SLC12A3: variants seen among roughly 807,000 people sequenced by gnomAD.
The protein encoded by SLC12A3 is Na-Cl cotransporter.
In SLC12A3, 104 loss-of-function variants were observed where a neutral mutation model predicts 121.0. That is an observed-to-expected ratio of 0.86 (90% CI 0.73 to 1.01). The LOEUF (loss-of-function observed/expected upper bound fraction) is 1.01. Among genes scored for constraint, SLC12A3 ranks in the 50% least tolerant of loss-of-function variants. SLC12A3 has a pLI of 0.00. For missense variants in SLC12A3, 1,328 were observed against 1,356.3 expected (o/e 0.98, Z 0.33); for synonymous variants, 536 against 533.4 (o/e 1.00, Z -0.07).
intron 25 of SLC12A3, among the ~76,000 whole-genome samples, chr16:56,912,907 A>G (rs1221225983): frequency 5.3e-5 from 8 of 152,056 alleles, no homozygotes; most frequent in African/African-American, 1.7e-4. Context: ...GGTGGGGAGA[A>G]CGTCAAGTGC....
rs1310840830 is a variant in SLC12A3 at position 56,886,999 on chromosome 16, GGCA to G, written c.2085_2087del (p.His696del). ...CCTGAGCTCCAGCTCATCGCCAACG[GGCA>G]CACCAAGTGGCTGAACAAGAGGAAG... is the stretch of plus-strand genomic sequence containing the variant. On this transcript the variant is annotated inframe_deletion, in exon 17 of 26. Transcript: ENST00000563236. The G allele has an allele frequency of 6.2e-7, 1 of 1,613,916 alleles. No homozygotes were observed. Among genetic ancestry groups the G allele is most frequent in the Admixed American group, 1.7e-5 (1 of 60,022 alleles).
At chr16:56,880,074 G>T in intron 11 of SLC12A3, 56 bp from the exon 12 acceptor site, 1 of 1,592,692 alleles carries the variant, frequency 6.3e-7, no homozygotes. Context: ...GTGGCCCCAG[G>T]GGAGGGGAAG....
intron 8 of SLC12A3, 89 bp from the exon 9 acceptor site, chr16:56,877,988 G>A: frequency 1.3e-6 from 1 of 772,094 alleles, no homozygotes; most frequent in Non-Finnish European, 2.1e-6. Flanking sequence ...GACAGGCCTG[G>A]AAGGAGGCCC....
intron 12 of SLC12A3, among the ~76,000 whole-genome samples, chr16:56,882,080 T>G (rs2055248170): frequency 1.3e-5 from 2 of 151,646 alleles, no homozygotes; most frequent in Admixed American, 6.6e-5. Flanking sequence ...TATTTCTTGC[T>G]GTCATTTGTG....
Position 56,902,394 on chromosome 16 carries a change from G to C in SLC12A3, c.2742G>C (p.Met914Ile). The change falls in exon 24 of 26, where the codon ATG becomes ATC. Residue 914 changes from methionine to isoleucine, a missense_variant. Coordinates refer to ENST00000563236, the MANE Select transcript of SLC12A3 (RefSeq NM_001126108.2). Reference protein sequence around the residue: ...RAEHTKRFEDMIAPFRLNDGF... With the variant: ...RAEHTKRFEDIIAPFRLNDGF... ...CCAGCACCAAGAGGTTTGAGGACATGATTGCACCCTTCCGTCTGAATGATG... is the reference window on the plus strand; with the variant it reads ...CCAGCACCAAGAGGTTTGAGGACATCATTGCACCCTTCCGTCTGAATGATG... The C allele has an allele frequency of 1.2e-6, 2 of 1,613,962 alleles. No homozygotes were observed. The highest frequency in any genetic ancestry group is 2.2e-5 in the South Asian group (2 of 91,066).
At chr16:56,902,531 G>GGGGGGGGGTGCC in intron 24 of SLC12A3, 23 bp downstream of exon 24, 5 of 714,558 alleles carry the variant, frequency 7.0e-6, no homozygotes, top group Non-Finnish European at 1.2e-5. Context: ...GTGGGGGTGG[G>GGGGGGGGGTGCC]AAACGCGACA....
chr16:56,883,969 G>A, intron 13 of SLC12A3, 80 bp from the exon 14 acceptor site: 1 of 1,522,178 alleles, frequency 6.6e-7, no homozygotes. Flanking sequence ...TGGCATTACT[G>A]CCAGGCCCTG....
At chr16:56,881,903 G>T (rs1441381421) in intron 12 of SLC12A3, among the ~76,000 whole-genome samples, 2 of 151,906 alleles carry the variant, frequency 1.3e-5, no homozygotes, top group Non-Finnish European at 2.9e-5. Flanking sequence ...ACAAAAATTA[G>T]CTGGGCGTGG....
chr16:56,865,360 C>G lies in SLC12A3; in HGVS notation c.125C>G (p.Pro42Arg), dbSNP rs777453931. 1 of 1,614,196 alleles carries G rather than the reference C, an allele frequency of 6.2e-7. No homozygotes were observed. The change falls in exon 1 of 26, where the codon CCC (proline) becomes CGC (arginine). Residue 42 changes from proline to arginine, a missense_variant. Coordinates refer to ENST00000563236, the MANE Select transcript of SLC12A3 (RefSeq NM_001126108.2). ...CCAGCTGCCTATGACAGCAGCCACC[C>G]CAGCCACCTGACCCACAGCAGCACC... Reference protein sequence around the residue: ...SPPAAYDSSHPSHLTHSSTFC... With the variant: ...SPPAAYDSSHRSHLTHSSTFC...
At chr16:56,892,205 G>T (rs2055397692) in intron 20 of SLC12A3, 72 bp downstream of exon 20, 1 of 1,426,668 alleles carries the variant, frequency 7.0e-7, no homozygotes, top group Non-Finnish European at 9.9e-7. Flanking sequence ...GCCCTGTGGG[G>T]TGGCTAGGGG....
chr16:56,912,103 C>T (rs954821802), intron 25 of SLC12A3, among the ~76,000 whole-genome samples: 1 of 152,250 alleles, frequency 6.6e-6, no homozygotes, highest in Non-Finnish European at 1.5e-5. Flanking sequence ...TGTGAAGGAG[C>T]GCGGTGCTGC....
At chr16:56,889,552 C>T (rs2055362174) in intron 18 of SLC12A3, among the ~76,000 whole-genome samples, 1 of 152,194 alleles carries the variant, frequency 6.6e-6, no homozygotes, top group South Asian at 2.1e-4. Context: ...TCTTGGCTCA[C>T]CACAACCTCT....
intron 19 of SLC12A3, 146 bp downstream of exon 19, chr16:56,890,502 C>T (rs1333173747): frequency 2.8e-6 from 2 of 710,534 alleles, no homozygotes; most frequent in Non-Finnish European, 5.0e-6. Flanking sequence ...CATCAGTTTT[C>T]CCAGAAAGAG....
At chr16:56,892,028 C>A in intron 19 of SLC12A3, 55 bp from the exon 20 acceptor site, 1 of 1,360,242 alleles carries the variant, frequency 7.4e-7, no homozygotes, top group Non-Finnish European at 1.1e-6. Context: ...AGGAGGAACC[C>A]ACGGTGCCCT....
Position 56,865,459 on chromosome 16 carries a change from A to G in SLC12A3, c.224A>G (p.Gln75Arg), listed in dbSNP as rs1243966775. The G allele has an allele frequency of 1.2e-6, 2 of 1,614,050 alleles. No individual in the cohort carries two copies. Among genetic ancestry groups the G allele is most frequent in the Admixed American group, 3.3e-5 (2 of 60,026 alleles). The change falls in exon 1 of 26, where the codon CAG becomes CGG. Residue 75 changes from glutamine to arginine, a missense_variant. Physicochemically the swap from Gln to Arg is conservative, Grantham distance 43. Coordinates refer to ENST00000563236, the MANE Select transcript of SLC12A3 (RefSeq NM_001126108.2). ...TATGAGCACTATGCCAACAGCACCCAGCCTGGTGAGCCCCGGAAGGTCCGG... is the reference window on the plus strand; with the variant it reads ...TATGAGCACTATGCCAACAGCACCCGGCCTGGTGAGCCCCGGAAGGTCCGG... ...PTYEHYANST[Q>R]PGEPRKVRPT...
chr16:56,884,311 TC>T, intron 14 of SLC12A3, 107 bp downstream of exon 14: 1 of 1,176,964 alleles, frequency 8.5e-7, no homozygotes, highest in Non-Finnish European at 1.2e-6. Flanking sequence ...CTCTGTGCTG[TC>T]CAGGGCCCCT....
At chr16:56,874,819 C>CG (rs2055146040) in intron 8 of SLC12A3, among the ~76,000 whole-genome samples, 1 of 151,818 alleles carries the variant, frequency 6.6e-6, no homozygotes, top group African/African-American at 2.4e-5. Context: ...CTCACCCCCC[C>CG]GCAAAAAAAA....
At chr16:56,879,746 A>C in intron 11 of SLC12A3, 97 bp downstream of exon 11, 1 of 873,796 alleles carries the variant, frequency 1.1e-6, no homozygotes, top group Non-Finnish European at 1.9e-6. Context: ...CAAACACCTG[A>C]AGGTGTCATT....
In SLC12A3 at chr16:56,865,313, G is replaced by A. The variant is rs752551263; in HGVS notation, c.78G>A (p.Leu26=). 6 of 1,613,892 alleles carry A rather than the reference G, an allele frequency of 3.7e-6. No individual in the cohort carries two copies. In the East Asian group the frequency reaches 1.1e-4, roughly 30 times the overall value. ...GGCGCTTCACCATCAGCACACTGCT[G>A]AGCAGTGATGAGCCCTCTCCACCAG... ...CSGRFTISTL[L]SSDEPSPPAA... The change falls in exon 1 of 26, where the codon CTG becomes CTA. Residue 26 remains leucine, a synonymous_variant. Transcript: ENST00000563236.
Sources: allele counts gnomAD v4.1 joint callset (sites outside exome capture counted in the v4.1 genomes callset), GRCh38; gene constraint gnomAD v4.1.1; transcripts MANE v1.5; gene names NCBI Gene and HGNC (gene_info 2026-07-23, HGNC 2026-07-21).